The following SLC39A11 variants were observed in gnomAD, a reference collection of about 807,000 sequenced individuals.
SLC39A11 encodes solute carrier family 39 member 11, also known as zinc transporter ZIP11.
SLC39A11 carries 33 observed loss-of-function variants against 36.1 expected under a neutral mutation model. That is an observed-to-expected ratio of 0.91 (90% CI 0.69 to 1.22). SLC39A11 has a LOEUF of 1.22. Ranked by LOEUF, SLC39A11 falls within the 50% of genes most tolerant of loss-of-function variation. The probability of loss-of-function intolerance (pLI) is 0.00; values close to 1 mark genes in which losing one functional copy is unlikely to be tolerated. For missense variants in SLC39A11, 432 were observed against 430.3 expected, an observed-to-expected ratio of 1.00 and a Z score of -0.03; for synonymous variants, 166 against 170.3, an observed-to-expected ratio of 0.97 and a Z score of 0.20.
chr17:73,006,628 C>T (rs2090192089), intron 4 of SLC39A11, among the ~76,000 whole-genome samples: 1 of 150,150 alleles, frequency 6.7e-6, no homozygotes, highest in African/African-American at 2.5e-5. Flanking sequence ...GCCTTGGGTG[C>T]TTTACTTAGA....
At chr17:72,763,492 C>A (rs1285952788) in intron 6 of SLC39A11, among the ~76,000 whole-genome samples, 1 of 152,106 alleles carries the variant, frequency 6.6e-6, no homozygotes, top group Non-Finnish European at 1.5e-5. Context: ...ACAACGGAAC[C>A]CTTTTATTAG....
intron 6 of SLC39A11, among the ~76,000 whole-genome samples, chr17:72,798,482 C>A (rs572051428): frequency 6.8e-6 from 1 of 147,792 alleles, no homozygotes; most frequent in African/African-American, 2.5e-5. Context: ...GGCACGATCT[C>A]AGCTCTCTGC....
chr17:72,646,389 A>G lies in SLC39A11; in HGVS notation c.*1195T>C, dbSNP rs1312003557. 3.3e-5 allele frequency: 5 copies of G among 152,184 alleles called. No individual in the cohort carries two copies. The South Asian group carries it at 6.2e-4, about 19-fold the overall frequency. 9.4% of individuals were successfully genotyped at this position (152,184 alleles called of 1,614,324 possible). On this transcript the variant is annotated 3_prime_UTR_variant, in exon 10 of 10. Coordinates refer to ENST00000255559, the MANE Select transcript of SLC39A11 (RefSeq NM_139177.4). ...TGTTTGAAGTGGACAGGTCATTGCT[A>G]CCCCTGTTGGAGAAGCTATGTAAGA...
At chr17:72,772,489 T>G (rs1017793343) in intron 6 of SLC39A11, among the ~76,000 whole-genome samples, 1 of 152,124 alleles carries the variant, frequency 6.6e-6, no homozygotes, top group Admixed American at 6.5e-5. Flanking sequence ...GGAAGCCACA[T>G]AGTGAGTGCT....
intron 5 of SLC39A11, among the ~76,000 whole-genome samples, chr17:72,867,762 A>G (rs11656965): frequency 0.033 from 2,770 of 83,918 alleles, 41 homozygotes; most frequent in Non-Finnish European, 0.042. Flanking sequence ...GTGCGCGCGC[A>G]CACACACACA....
intron 7 of SLC39A11, among the ~76,000 whole-genome samples, chr17:72,695,822 C>A (rs974840227): frequency 6.6e-5 from 10 of 152,162 alleles, no homozygotes; most frequent in African/African-American, 2.4e-4. Flanking sequence ...CCAAAGGATG[C>A]CTGCAGCCAC....
At chr17:72,905,267 G>A in intron 5 of SLC39A11, among the ~76,000 whole-genome samples, 1 of 148,912 alleles carries the variant, frequency 6.7e-6, no homozygotes. Flanking sequence ...TGGCTGGATG[G>A]ATTCTGTTTC....
At chr17:72,820,948 C>T (rs1317212639) in intron 6 of SLC39A11, among the ~76,000 whole-genome samples, 1 of 149,270 alleles carries the variant, frequency 6.7e-6, no homozygotes, top group Admixed American at 6.7e-5. Context: ...GAATGTCTGC[C>T]GTATTATAAG....
At chr17:72,974,104 A>AT (rs2087657050) in intron 4 of SLC39A11, among the ~76,000 whole-genome samples, 1 of 151,684 alleles carries the variant, frequency 6.6e-6, no homozygotes, top group Admixed American at 6.6e-5. Context: ...TGCTTATTTT[A>AT]TTTTTTATTT....
intron 4 of SLC39A11, among the ~76,000 whole-genome samples, chr17:72,961,982 C>T (rs976687427): frequency 1.1e-4 from 16 of 152,242 alleles, no homozygotes; most frequent in African/African-American, 2.9e-4. Flanking sequence ...GTTTCTTTAA[C>T]GGGGCTTTAT....
chr17:72,934,264 C>T (rs1305648385), intron 5 of SLC39A11, among the ~76,000 whole-genome samples: 9 of 152,140 alleles, frequency 5.9e-5, no homozygotes, highest in East Asian at 3.8e-4. Context: ...TAAAAACTTT[C>T]GATCTCCAAA....
At chr17:72,840,477 G>A (rs184242309) in intron 6 of SLC39A11, among the ~76,000 whole-genome samples, 10 of 152,332 alleles carry the variant, frequency 6.6e-5, no homozygotes, top group African/African-American at 1.2e-4. Context: ...AAAATTAGGC[G>A]GCTGGGAGTG....
At chr17:72,732,097 G>A in intron 7 of SLC39A11, among the ~76,000 whole-genome samples, 1 of 112,848 alleles carries the variant, frequency 8.9e-6, no homozygotes, top group Non-Finnish European at 1.7e-5. Flanking sequence ...TGCCCAGGCT[G>A]GAGGGCAGTG....
At chr17:72,953,510 C>A (rs907919028) in intron 4 of SLC39A11, among the ~76,000 whole-genome samples, 4 of 152,164 alleles carry the variant, frequency 2.6e-5, no homozygotes, top group Admixed American at 6.5e-5. Flanking sequence ...GTGTGGCCTG[C>A]TGTCCCAGGC....
intron 4 of SLC39A11, among the ~76,000 whole-genome samples, chr17:73,004,148 A>G (rs950464204): frequency 6.8e-6 from 1 of 147,288 alleles, no homozygotes. Flanking sequence ...AGGAAGAAAG[A>G]AAGAAAGAAG....
At chr17:73,047,027 ATTT>A (rs367548823) in intron 3 of SLC39A11, among the ~76,000 whole-genome samples, 3 of 138,008 alleles carry the variant, frequency 2.2e-5, no homozygotes, top group Admixed American at 7.2e-5. Flanking sequence ...TATTTTATTT[ATTT>A]TTTTTTTTTT....
chr17:72,851,908 A>C lies in SLC39A11; in HGVS notation c.431-2104T>G, dbSNP rs778062360. 9.2e-5 allele frequency among the ~76,000 whole-genome samples: 14 copies of C among 152,152 alleles called. No homozygotes were observed. In the East Asian group the frequency reaches 2.3e-3, roughly 25 times the overall value. ...CATTAGAAGAAAAAAACTTCTTTTGAAAATCATTTTGTGGCCAGGCGCAGT... is the reference window on the plus strand; with the variant it reads ...CATTAGAAGAAAAAAACTTCTTTTGCAAATCATTTTGTGGCCAGGCGCAGT... On this transcript the variant is annotated intron_variant, in intron 5 of 9. Transcript: ENST00000255559.
At chr17:73,011,666 GT>G (rs55954659) in intron 4 of SLC39A11, among the ~76,000 whole-genome samples, 15 of 143,530 alleles carry the variant, frequency 1.0e-4, no homozygotes, top group Admixed American at 2.1e-4. Flanking sequence ...GGTTTTCTTG[GT>G]TTTTTTTTTT....
intron 6 of SLC39A11, among the ~76,000 whole-genome samples, chr17:72,740,037 A>G (rs2074606557): frequency 6.8e-6 from 1 of 147,814 alleles, no homozygotes; most frequent in African/African-American, 2.5e-5. Context: ...AGCAAGCTAG[A>G]TAGAATTTCT....
Sources: gnomAD v4.1 joint callset for allele counts (sites outside exome capture counted in the v4.1 genomes callset) on GRCh38, gnomAD v4.1.1 for gene constraint, MANE v1.5 for transcripts, NCBI Gene and HGNC (gene_info 2026-07-23, HGNC 2026-07-21) for gene names.